ZHX2: variants seen among roughly 807,000 people sequenced by gnomAD.
ZHX2 encodes the protein zinc fingers and homeoboxes protein 2.
A neutral mutation model predicts 21.9 loss-of-function variants in ZHX2; 6 were observed. The observed-to-expected ratio is 0.27, with a 90% confidence interval of 0.15 to 0.54. The LOEUF (loss-of-function observed/expected upper bound fraction) is 0.54, where lower values mean the gene tolerates loss of function less well. Among genes scored for constraint, ZHX2 ranks in the 20% least tolerant of loss-of-function variants. The probability of loss-of-function intolerance (pLI) is 0.95; values close to 1 mark genes in which losing one functional copy is unlikely to be tolerated. For synonymous variants in ZHX2, 434 were observed against 437.1 expected (o/e 0.99, Z 0.09); for missense variants, 908 against 1,090.7 (o/e 0.83, Z 2.36).
intron 1 of ZHX2, among the ~76,000 whole-genome samples, chr8:122,852,767 T>A (rs761737844): frequency 4.6e-5 from 7 of 152,166 alleles, no homozygotes; most frequent in Non-Finnish European, 1.0e-4. Context: ...AAAGAAGGGC[T>A]AAGCTATGGG....
intron 2 of ZHX2, among the ~76,000 whole-genome samples, chr8:122,937,942 T>TTTTTG (rs1349776344): frequency 9.7e-5 from 12 of 124,202 alleles, no homozygotes; most frequent in Non-Finnish European, 2.1e-4. Context: ...GGTTTTTTTT[T>TTTTTG]TTTTTTTTTT....
chr8:122,885,667 G>A (rs189569765), intron 2 of ZHX2, among the ~76,000 whole-genome samples: 147 of 152,252 alleles, frequency 9.7e-4, no homozygotes, highest in African/African-American at 3.2e-3. Flanking sequence ...CGTTGCTAGT[G>A]GCATCTAGTG....
chr8:122,953,360 T>A lies in ZHX2; in HGVS notation c.1850T>A (p.Leu617His), dbSNP rs1044021835. 5 of 1,613,910 alleles carry A rather than the reference T, an allele frequency of 3.1e-6. No individual in the cohort carries two copies. Among genetic ancestry groups the A allele is most frequent in the Non-Finnish European group, 3.4e-6 (4 of 1,180,020 alleles). Reference sequence around the variant, plus strand: ...GGTGCTCTGTCTCGACTCGACCAGCTCTCCGGTGCCCAGTTAACAAGTTCT... The same window carrying A: ...GGTGCTCTGTCTCGACTCGACCAGCACTCCGGTGCCCAGTTAACAAGTTCT... Reference protein sequence around the residue: ...PNGALSRLDQLSGAQLTSSLP... With the variant: ...PNGALSRLDQHSGAQLTSSLP... The change falls in exon 3 of 4, where the codon CTC (leucine) becomes CAC (histidine). Residue 617 changes from leucine (L) to histidine (H), a missense_variant. Leu to His is a moderately conservative substitution (Grantham distance 99). Transcript: ENST00000314393. This position sits in a 1 kb window ranked among gnomAD's most constrained non-coding sequence, Gnocchi z 4.6.
chr8:122,914,774 C>T (rs1321146125), intron 2 of ZHX2, among the ~76,000 whole-genome samples: 4 of 152,168 alleles, frequency 2.6e-5, no homozygotes, highest in Non-Finnish European at 5.9e-5. Flanking sequence ...TTTTCATCTC[C>T]TTCTTGGACT....
intron 2 of ZHX2, among the ~76,000 whole-genome samples, chr8:122,919,720 G>A (rs1217945614): frequency 6.6e-6 from 1 of 152,184 alleles, no homozygotes; most frequent in Non-Finnish European, 1.5e-5. Flanking sequence ...TGAAGATACA[G>A]GGCCCAAAAG....
intron 2 of ZHX2, among the ~76,000 whole-genome samples, chr8:122,865,975 G>C (rs1278784147): frequency 6.6e-6 from 1 of 152,074 alleles, no homozygotes; most frequent in African/African-American, 2.4e-5. Context: ...GGCTCCCTCT[G>C]GTCCCTCCTG....
intron 2 of ZHX2, among the ~76,000 whole-genome samples, chr8:122,903,527 T>C (rs1021651878): frequency 1.3e-5 from 2 of 151,804 alleles, no homozygotes; most frequent in African/African-American, 4.8e-5. Context: ...AGGGATGGAG[T>C]GAGCGGGGAG....
At chr8:122,902,850 A>C (rs539964274) in intron 2 of ZHX2, among the ~76,000 whole-genome samples, 1 of 152,200 alleles carries the variant, frequency 6.6e-6, no homozygotes, top group East Asian at 1.9e-4. Flanking sequence ...TTGAAATGAA[A>C]AACAAGTCTG....
chr8:122,937,933 G>GTTTTTTTTTTTTTTTT (rs71310636), intron 2 of ZHX2, among the ~76,000 whole-genome samples: 3 of 73,352 alleles, frequency 4.1e-5, no homozygotes, highest in Non-Finnish European at 4.7e-5. Context: ...TTTCTTTTTG[G>GTTTTTTTTTTTTTTTT]TTTTTTTTTT....
Position 122,953,433 on chromosome 8 carries a change from T to A in ZHX2, c.1923T>A (p.His641Gln), listed in dbSNP as rs1373065683. 6.2e-7 allele frequency: 1 copy of A among 1,614,122 alleles called. No homozygotes were observed. Residue 641 changes from histidine (H) to glutamine (Q), a missense_variant, in exon 3 of 4, where the codon CAT (histidine) becomes CAA (glutamine). This residue lies in a region of ZHX2 where 431 missense variants were observed against 428.6 expected (regional missense o/e 1.01). Coordinates refer to ENST00000314393, the MANE Select transcript of ZHX2 (RefSeq NM_014943.5). The surrounding 1 kb of genome is among the most constrained non-coding windows in gnomAD (Gnocchi z 4.6). ...PAIAKSQEQV[H>Q]LLRSTFARTQ... ...TTGCAAAAAGTCAAGAACAGGTTCA[T>A]CTCCTGAGGAGCACGTTTGCAAGAA...
intron 1 of ZHX2, among the ~76,000 whole-genome samples, chr8:122,847,837 C>T (rs957537100): frequency 3.3e-5 from 5 of 152,224 alleles, no homozygotes; most frequent in African/African-American, 1.2e-4. Flanking sequence ...GCTGCAGTCA[C>T]GCCTGAGGAA....
At chr8:122,805,134 G>A (rs1817798144) in intron 1 of ZHX2, among the ~76,000 whole-genome samples, 1 of 151,800 alleles carries the variant, frequency 6.6e-6, no homozygotes, top group South Asian at 2.1e-4. Flanking sequence ...TAGTTTATGT[G>A]AGAAGCAAAG....
At chr8:122,800,774 G>A (rs995906662) in intron 1 of ZHX2, among the ~76,000 whole-genome samples, 49 of 152,256 alleles carry the variant, frequency 3.2e-4, no homozygotes, top group African/African-American at 1.2e-3. Context: ...GAGAGAGAGA[G>A]AGAGAGGATG....
intron 3 of ZHX2, among the ~76,000 whole-genome samples, chr8:122,962,805 A>G (rs900345662): frequency 7.2e-5 from 11 of 152,124 alleles, no homozygotes; most frequent in Non-Finnish European, 1.5e-4. Context: ...TTGGTTATTT[A>G]ATTATGGCCA....
intron 2 of ZHX2, among the ~76,000 whole-genome samples, chr8:122,878,469 C>T (rs75523976): frequency 0.045 from 6,912 of 152,228 alleles, 309 homozygotes; most frequent in African/African-American, 0.11. Context: ...ATGACCTCTA[C>T]TGGGATGACA....
chr8:122,803,860 A>G (rs1817766880), intron 1 of ZHX2, among the ~76,000 whole-genome samples: 1 of 152,170 alleles, frequency 6.6e-6, no homozygotes, highest in Non-Finnish European at 1.5e-5. Flanking sequence ...GGTGCACATT[A>G]GAGATGTTTT....
chr8:122,826,138 C>T lies in ZHX2; in HGVS notation c.-282-37339C>T, dbSNP rs566590317. Among the ~76,000 whole-genome samples the T allele has an allele frequency of 2.0e-5, 3 of 152,324 alleles. No homozygotes were observed. In the East Asian group the frequency reaches 5.8e-4, roughly 29 times the overall value. On this transcript the variant is annotated intron_variant, in intron 1 of 3. Coordinates refer to ENST00000314393, the MANE Select transcript of ZHX2 (RefSeq NM_014943.5). ...TAGAGGGAAAATGGGCCATTATTCT[C>T]GCCTTGCTCCATTCCCACCAGCCCT...
chr8:122,823,048 G>C (rs72717978), intron 1 of ZHX2, among the ~76,000 whole-genome samples: 5,582 of 152,312 alleles, frequency 0.037, 165 homozygotes, highest in South Asian at 0.073. Flanking sequence ...TCCTTGGGGA[G>C]AATGTTAGTA....
chr8:122,818,574 C>T (rs890437136), intron 1 of ZHX2, among the ~76,000 whole-genome samples: 12 of 152,192 alleles, frequency 7.9e-5, no homozygotes, highest in African/African-American at 7.2e-5. Flanking sequence ...TAAATGAGGG[C>T]GTATCTATAT....
Sources: gnomAD v4.1 joint callset for allele counts (sites outside exome capture counted in the v4.1 genomes callset) on GRCh38, gnomAD v4.1.1 for gene constraint, gnomAD v4.1.1 regional missense constraint, Gnocchi (gnomAD v3.1) non-coding constraint, MANE v1.5 for transcripts, NCBI Gene and HGNC (gene_info 2026-07-23, HGNC 2026-07-21) for gene names.